Variants in RIMS1 observed in about 807,000 individuals in gnomAD.
RIMS1 encodes regulating synaptic membrane exocytosis protein 1.
In RIMS1, 83 loss-of-function variants were observed where a neutral mutation model predicts 214.1. That is an observed-to-expected ratio of 0.39 (90% confidence interval 0.32 to 0.47). The LOEUF (loss-of-function observed/expected upper bound fraction) is 0.47, where lower values mean the gene tolerates loss of function less well. RIMS1 is among the 20% of genes least tolerant of loss of function. The pLI is 0.99. For missense variants in RIMS1, 2,050 were observed against 2,161.8 expected, an observed-to-expected ratio of 0.95 and a Z score of 1.03; for synonymous variants, 793 against 786.8, an observed-to-expected ratio of 1.01 and a Z score of -0.13.
intron 2 of RIMS1, among the ~76,000 whole-genome samples, chr6:72,059,258 G>A (rs1219011889): frequency 1.3e-5 from 2 of 152,034 alleles, no homozygotes; most frequent in African/African-American, 2.4e-5. Flanking sequence ...ACAGGCTCTC[G>A]CTCTGTTGCC....
chr6:72,126,627 G>C (rs983444305), intron 4 of RIMS1: 1 of 224,104 alleles, frequency 4.5e-6, no homozygotes, highest in Non-Finnish European at 9.1e-6. Context: ...AATGTGAATA[G>C]ACAGTTCTCA....
At chr6:71,935,779 A>G (rs574492136) in intron 1 of RIMS1, among the ~76,000 whole-genome samples, 2 of 152,348 alleles carry the variant, frequency 1.3e-5, no homozygotes, top group African/African-American at 4.8e-5. Flanking sequence ...AAAAGTTTAA[A>G]GTAGATTCTG....
chr6:72,340,447 G>C (rs571878397), intron 29 of RIMS1, among the ~76,000 whole-genome samples: 2,112 of 152,076 alleles, frequency 0.014, 45 homozygotes, highest in African/African-American at 0.047. Flanking sequence ...AATCCATCTT[G>C]AATTAATTTT....
intron 29 of RIMS1, among the ~76,000 whole-genome samples, chr6:72,340,907 A>G (rs375556632): frequency 2.6e-5 from 4 of 152,042 alleles, no homozygotes; most frequent in Non-Finnish European, 4.4e-5. Context: ...GATTCTTCCT[A>G]TCCATGAGCA....
Position 72,036,124 on chromosome 6 carries a change from C to G in RIMS1, c.246-60825C>G, listed in dbSNP as rs1029443591. Among the ~76,000 whole-genome samples the G allele has an allele frequency of 2.0e-5, 3 of 152,068 alleles. No individual in the cohort carries two copies. The East Asian group carries it at 5.8e-4, about 29-fold the overall frequency. On this transcript the variant is annotated intron_variant, in intron 2 of 33. Coordinates refer to ENST00000521978, the MANE Select transcript of RIMS1 (RefSeq NM_014989.7). ...TGGCAACATGATCCAGATCAATTTC[C>G]TTTATGTTAGTCTCTTAGCATGACT... is the stretch of plus-strand genomic sequence containing the variant.
chr6:72,204,429 C>T (rs1375755517), intron 6 of RIMS1, among the ~76,000 whole-genome samples: 4 of 152,166 alleles, frequency 2.6e-5, no homozygotes, highest in African/African-American at 9.7e-5. Flanking sequence ...ACACAATCAC[C>T]TCTAGAACTC....
intron 6 of RIMS1, among the ~76,000 whole-genome samples, chr6:72,185,438 T>C (rs1425314044): frequency 6.6e-6 from 1 of 151,330 alleles, no homozygotes; most frequent in Non-Finnish European, 1.5e-5. Context: ...AAAAAAAAGG[T>C]GTGGGGTGAA....
intron 1 of RIMS1, among the ~76,000 whole-genome samples, chr6:71,914,370 G>C (rs1582486751): frequency 6.6e-6 from 1 of 151,848 alleles, no homozygotes; most frequent in Non-Finnish European, 1.5e-5. Flanking sequence ...GTGGATACAA[G>C]GACTTCTTTA....
chr6:72,072,390 G>T (rs1830767779), intron 2 of RIMS1, among the ~76,000 whole-genome samples: 1 of 152,124 alleles, frequency 6.6e-6, no homozygotes, highest in African/African-American at 2.4e-5. Flanking sequence ...TACATAAACT[G>T]AAATTCTATA....
chr6:72,391,004 C>T (rs1206679517), intron 30 of RIMS1: 1 of 302,354 alleles, frequency 3.3e-6, no homozygotes, highest in Non-Finnish European at 6.1e-6. Flanking sequence ...AGACTAGTTC[C>T]TTACTGGATG....
chr6:72,153,011 T>TATATGGA (rs2043919523), intron 4 of RIMS1, among the ~76,000 whole-genome samples: 10 of 6,980 alleles, frequency 1.4e-3, no homozygotes, highest in East Asian at 0.071. Context: ...TATATATGTA[T>TATATGGA]ATATATGTGT....
At chr6:71,924,068 T>C (rs565174354) in intron 1 of RIMS1, among the ~76,000 whole-genome samples, 18 of 152,324 alleles carry the variant, frequency 1.2e-4, no homozygotes, top group African/African-American at 4.1e-4. Context: ...AAATTGTTTG[T>C]TTGATTGTAG....
chr6:72,063,159 A>G (rs542939876), intron 2 of RIMS1, among the ~76,000 whole-genome samples: 14 of 152,336 alleles, frequency 9.2e-5, no homozygotes, highest in Admixed American at 2.0e-4. Context: ...CTTCAGAGTT[A>G]TCACACTAAA....
intron 2 of RIMS1, among the ~76,000 whole-genome samples, chr6:72,072,121 C>T (rs1339191112): frequency 6.6e-6 from 1 of 152,054 alleles, no homozygotes; most frequent in East Asian, 1.9e-4. Context: ...AACTCTGGGT[C>T]AGGATGATGT....
chr6:72,094,611 C>T (rs899715234), intron 2 of RIMS1, among the ~76,000 whole-genome samples: 1 of 152,156 alleles, frequency 6.6e-6, no homozygotes, highest in Non-Finnish European at 1.5e-5. Context: ...AGCATATTTA[C>T]ATTCATTCAT....
At chr6:72,194,426 A>G (rs1479334997) in intron 6 of RIMS1, among the ~76,000 whole-genome samples, 2 of 152,138 alleles carry the variant, frequency 1.3e-5, no homozygotes, top group African/African-American at 4.8e-5. Context: ...TTTGTATTTT[A>G]TGCTGAGTTT....
intron 1 of RIMS1, among the ~76,000 whole-genome samples, chr6:71,950,641 G>T (rs1459377911): frequency 1.3e-5 from 2 of 152,152 alleles, no homozygotes; most frequent in Admixed American, 6.6e-5. Context: ...AATTTTGGAA[G>T]TTTCTTCTCT....
chr6:72,230,034 G>C (rs934356671), intron 6 of RIMS1, among the ~76,000 whole-genome samples: 4 of 151,582 alleles, frequency 2.6e-5, no homozygotes, highest in Non-Finnish European at 5.9e-5. Flanking sequence ...CTGCTATAGA[G>C]GACTCAAAAA....
rs967124328 is a variant in RIMS1, at chr6:72,400,486, A to G, written c.4861-10A>G. 5 of 1,610,426 alleles carry G rather than the reference A, an allele frequency of 3.1e-6. No homozygotes were observed. The highest frequency in any genetic ancestry group is 1.3e-5 in the African/African-American group (1 of 74,962). On this transcript the variant is annotated splice_polypyrimidine_tract_variant and intron_variant, in intron 33 of 33. Coordinates refer to ENST00000521978, the MANE Select transcript of RIMS1 (RefSeq NM_014989.7). The stretch of plus-strand genomic sequence containing the variant: ...AGTCCAGGTAATGTTGCATTTCTCT[A>G]TCTCTGCAGGTGATTGTCTGGGGAG...
Sources: allele counts gnomAD v4.1 joint callset (sites outside exome capture counted in the v4.1 genomes callset), GRCh38; gene constraint gnomAD v4.1.1; transcripts MANE v1.5; gene names NCBI Gene and HGNC (gene_info 2026-07-23, HGNC 2026-07-21).